The following PDZD2 variants were observed in gnomAD, a reference collection of about 807,000 sequenced individuals.
The protein encoded by PDZD2 is PDZ domain containing 2, also known as PDZ domain-containing protein 2.
A neutral mutation model predicts 220.7 loss-of-function variants in PDZD2; 90 were observed. The ratio of observed to expected loss-of-function variants is 0.41; its 90% CI spans 0.34 to 0.49. PDZD2 has a LOEUF of 0.49. Among genes scored for constraint, PDZD2 ranks in the 20% least tolerant of loss-of-function variants. PDZD2 has a pLI of 0.28. For synonymous variants in PDZD2, 1,375 were observed against 1,450.5 expected (o/e 0.95, Z 1.18); for missense variants, 3,174 against 3,608.5 (o/e 0.88, Z 3.08).
intron 2 of PDZD2, among the ~76,000 whole-genome samples, chr5:31,975,784 T>C (rs1349038101): frequency 1.4e-5 from 2 of 141,982 alleles, no homozygotes; most frequent in Admixed American, 7.7e-5. Flanking sequence ...ACACTGAAGG[T>C]ATCAGTCACT....
intron 24 of PDZD2, among the ~76,000 whole-genome samples, chr5:32,104,488 C>T (rs1399134147): frequency 1.3e-5 from 2 of 151,406 alleles, no homozygotes; most frequent in Non-Finnish European, 2.9e-5. Context: ...CCTAAGCAGC[C>T]CAAGGTGGGT....
At chr5:31,903,411 C>A (rs1742290156) in intron 2 of PDZD2, among the ~76,000 whole-genome samples, 1 of 151,406 alleles carries the variant, frequency 6.6e-6, no homozygotes. Flanking sequence ...CTTTGGGAGG[C>A]CATGGTGGGA....
chr5:31,884,514 G>A (rs1740245218), intron 2 of PDZD2, among the ~76,000 whole-genome samples: 1 of 152,118 alleles, frequency 6.6e-6, no homozygotes, highest in Non-Finnish European at 1.5e-5. Flanking sequence ...CAGGTCTGCT[G>A]TTGTCTGCTG....
chr5:32,012,935 C>T (rs572670332), intron 6 of PDZD2, among the ~76,000 whole-genome samples: 12 of 151,214 alleles, frequency 7.9e-5, no homozygotes, highest in African/African-American at 2.2e-4. Context: ...TGAGTTTTTC[C>T]GAGTATAAAA....
chr5:31,771,377 TG>T (rs1462198863), intron 1 of PDZD2, among the ~76,000 whole-genome samples: 1 of 152,174 alleles, frequency 6.6e-6, no homozygotes, highest in Non-Finnish European at 1.5e-5. Flanking sequence ...CTACTATGCA[TG>T]GGGCACTGGG....
chr5:31,680,696 C>G (rs562337871), intron 1 of PDZD2, among the ~76,000 whole-genome samples: 2 of 152,244 alleles, frequency 1.3e-5, no homozygotes, highest in Admixed American at 1.3e-4. Context: ...GACCTGCCAG[C>G]CTTCTCGTCA....
At chr5:32,020,549 C>G (rs1211349236) in intron 6 of PDZD2, among the ~76,000 whole-genome samples, 2 of 152,070 alleles carry the variant, frequency 1.3e-5, no homozygotes, top group African/African-American at 4.8e-5. Flanking sequence ...TGTTGCTGCA[C>G]TGTCAGAATC....
chr5:32,030,727 C>T (rs763032047), intron 6 of PDZD2, among the ~76,000 whole-genome samples: 1 of 152,140 alleles, frequency 6.6e-6, no homozygotes, highest in African/African-American at 2.4e-5. Context: ...TGCATGCTGA[C>T]CACCACTGGC....
intron 1 of PDZD2, among the ~76,000 whole-genome samples, chr5:31,651,997 T>TTTA (rs1397672249): frequency 1.3e-5 from 2 of 148,832 alleles, no homozygotes; most frequent in Non-Finnish European, 3.0e-5. Context: ...TTTTTGTATT[T>TTTA]TTTTTTTTTT....
At chr5:31,819,292 G>A (rs998985385) in intron 2 of PDZD2, among the ~76,000 whole-genome samples, 2 of 152,160 alleles carry the variant, frequency 1.3e-5, no homozygotes, top group East Asian at 3.8e-4. Context: ...CCCACTGGAG[G>A]TTCCTCATGT....
At chr5:31,869,290 C>T (rs755293654) in intron 2 of PDZD2, among the ~76,000 whole-genome samples, 20 of 152,164 alleles carry the variant, frequency 1.3e-4, no homozygotes, top group Non-Finnish European at 2.2e-4. Flanking sequence ...CAGCCCTCAC[C>T]GCTTGGGCTT....
Position 32,089,195 on chromosome 5 carries a change from C to T in PDZD2, c.5747C>T (p.Pro1916Leu). Residue 1916 changes from proline (P) to leucine (L), a missense_variant, in exon 20 of 25, where the codon CCC (proline) becomes CTC (leucine). Pro to Leu is a moderately conservative substitution (Grantham distance 98). Coordinates refer to ENST00000438447, the MANE Select transcript of PDZD2 (RefSeq NM_178140.4). ...VKAGGTDHRKPLISPQTSHKT... is the reference protein window; with the variant it reads ...VKAGGTDHRKLLISPQTSHKT... The stretch of plus-strand genomic sequence containing the variant: ...GCTGGGGGGACGGACCACAGGAAAC[C>T]CTTGATCTCACCCCAGACCTCCCAC... 4 of 1,614,128 alleles carry T rather than the reference C, an allele frequency of 2.5e-6. No individual in the cohort carries two copies. The highest frequency in any genetic ancestry group is 2.2e-5 in the South Asian group (2 of 91,080).
rs397884384 is a variant in PDZD2, at chr5:31,878,555, C to CTTTTTTTTTTTTTTTTTTTTTTTT, written c.476+78832_476+78855dup. ...TTCTTTGGTGGTCAGATGACCTCGG[C>CTTTTTTTTTTTTTTTTTTTTTTTT]TTTTTTTTTTTTTTTTTTTTTTTTG... is the stretch of plus-strand genomic sequence containing the variant. On this transcript the variant is annotated intron_variant, in intron 2 of 24. Transcript: ENST00000438447. 3.1e-4 allele frequency among the ~76,000 whole-genome samples: 15 copies of CTTTTTTTTTTTTTTTTTTTTTTTT among 48,196 alleles called. 3 individuals are homozygous for CTTTTTTTTTTTTTTTTTTTTTTTT. Among genetic ancestry groups the CTTTTTTTTTTTTTTTTTTTTTTTT allele is most frequent in the African/African-American group, 5.6e-4 (8 of 14,370 alleles). 31.6% of individuals were successfully genotyped at this position (48,196 alleles called of 152,430 possible). A position where few individuals can be genotyped will look rare whatever the true frequency, so the allele number is the denominator to read the frequency against.
intron 2 of PDZD2, chr5:31,855,079 C>T (rs975740442): frequency 8.1e-6 from 8 of 985,188 alleles, no homozygotes; most frequent in African/African-American, 1.7e-5. Flanking sequence ...ACCGGCCTGG[C>T]GAGCGGATTA....
At chr5:32,028,866 A>G (rs1289923150) in intron 6 of PDZD2, among the ~76,000 whole-genome samples, 1 of 151,974 alleles carries the variant, frequency 6.6e-6, no homozygotes, top group African/African-American at 2.4e-5. Context: ...TATTTTTAGT[A>G]GAGACGGGGT....
In PDZD2 at chr5:32,088,732, G is replaced by A; in HGVS notation, c.5284G>A (p.Val1762Met). The change falls in exon 20 of 25, where the codon GTG becomes ATG. Residue 1762 changes from valine (V) to methionine (M), a missense_variant. This residue lies in a region of PDZD2 where 1,861 missense variants were observed against 2,001.0 expected (regional missense o/e 0.93). Transcript: ENST00000438447. This position sits in a 1 kb window ranked among gnomAD's most constrained non-coding sequence, Gnocchi z 4.6. ...NAAASLSSFS[V>M]DVPKNGESVL... The stretch of plus-strand genomic sequence containing the variant: ...AGCTGCCAGTCTGTCCTCCTTCAGT[G>A]TGGATGTCCCTAAGAATGGAGAATC... 1 of 1,614,160 alleles carries A rather than the reference G, an allele frequency of 6.2e-7. No homozygotes were observed. The highest frequency in any genetic ancestry group is 8.5e-7 in the Non-Finnish European group (1 of 1,180,010).
At chr5:31,928,322 G>T (rs557083363) in intron 2 of PDZD2, among the ~76,000 whole-genome samples, 1 of 152,254 alleles carries the variant, frequency 6.6e-6, no homozygotes, top group East Asian at 1.9e-4. Context: ...ACCTGCCTTG[G>T]CCTCTCAAGG....
chr5:32,023,022 G>A (rs1297697625), intron 6 of PDZD2, among the ~76,000 whole-genome samples: 1 of 152,212 alleles, frequency 6.6e-6, no homozygotes, highest in South Asian at 2.1e-4. Flanking sequence ...ATGGTCATGA[G>A]GATGGAGAGG....
intron 1 of PDZD2, among the ~76,000 whole-genome samples, chr5:31,713,971 A>G (rs1580607017): frequency 6.6e-6 from 1 of 152,198 alleles, no homozygotes; most frequent in Non-Finnish European, 1.5e-5. Flanking sequence ...TTCTTTATAA[A>G]TCACCCAGCC....
Sources: allele counts gnomAD v4.1 joint callset (sites outside exome capture counted in the v4.1 genomes callset), GRCh38; gene constraint gnomAD v4.1.1; regional missense constraint gnomAD v4.1.1; non-coding constraint Gnocchi (gnomAD v3.1); transcripts MANE v1.5; gene names NCBI Gene and HGNC (gene_info 2026-07-23, HGNC 2026-07-21).